The following NMNAT3 variants were observed in gnomAD, a reference collection of about 807,000 sequenced individuals.
NMNAT3 encodes the protein nicotinamide/nicotinic acid mononucleotide adenylyltransferase 3.
In NMNAT3, 21 loss-of-function variants were observed where a neutral mutation model predicts 24.8. The ratio of observed to expected loss-of-function variants is 0.85; its 90% CI spans 0.60 to 1.22. The LOEUF is 1.22. NMNAT3 is among the 50% of genes most tolerant of loss of function. NMNAT3 has a pLI of 0.00. For missense variants in NMNAT3, 387 were observed against 436.6 expected, an observed-to-expected ratio of 0.89 and a Z score of 1.01; for synonymous variants, 136 against 155.2, an observed-to-expected ratio of 0.88 and a Z score of 0.92.
chr3:139,580,675 A>G (rs1356430482), intron 4 of NMNAT3, among the ~76,000 whole-genome samples: 5 of 152,124 alleles, frequency 3.3e-5, no homozygotes, highest in Non-Finnish European at 5.9e-5. Flanking sequence ...CAAATTTTTG[A>G]CTACTGATTT....
At chr3:139,613,247 C>T (rs1164671205) in intron 3 of NMNAT3, among the ~76,000 whole-genome samples, 1 of 152,126 alleles carries the variant, frequency 6.6e-6, no homozygotes, top group Non-Finnish European at 1.5e-5. Flanking sequence ...TGACAAAGGG[C>T]TAATACCCGG....
intron 3 of NMNAT3, chr3:139,599,186 C>A: frequency 5.2e-6 from 3 of 572,976 alleles, no homozygotes; most frequent in African/African-American, 1.9e-5. Flanking sequence ...TAAAAATTAC[C>A]ATACATATTT....
chr3:139,608,751 T>C (rs1383189028), intron 3 of NMNAT3, among the ~76,000 whole-genome samples: 2 of 152,200 alleles, frequency 1.3e-5, no homozygotes, highest in Non-Finnish European at 2.9e-5. Context: ...TACAGTCCTT[T>C]GATTGTGTGG....
intron 3 of NMNAT3, among the ~76,000 whole-genome samples, chr3:139,619,626 A>C (rs528703106): frequency 1.3e-5 from 2 of 152,252 alleles, no homozygotes; most frequent in South Asian, 4.1e-4. Flanking sequence ...TCATTCTACA[A>C]AGTAGAGTAC....
chr3:139,652,794 T>A (rs1200008303), intron 1 of NMNAT3, among the ~76,000 whole-genome samples: 1 of 152,180 alleles, frequency 6.6e-6, no homozygotes, highest in Non-Finnish European at 1.5e-5. Flanking sequence ...AAACCACGCA[T>A]CTTCTCTTCC....
chr3:139,640,672 A>G (rs530148410), intron 1 of NMNAT3, among the ~76,000 whole-genome samples: 2 of 152,312 alleles, frequency 1.3e-5, no homozygotes, highest in Admixed American at 1.3e-4. Context: ...AGGTGCAGGC[A>G]AGAGACATGA....
chr3:139,599,297 CT>C, intron 3 of NMNAT3: 1 of 702,322 alleles, frequency 1.4e-6, no homozygotes, highest in Non-Finnish European at 2.6e-6. Context: ...TGCCTCTTCC[CT>C]TTTGCAGACT....
At chr3:139,601,233 T>G (rs953945843) in intron 3 of NMNAT3, among the ~76,000 whole-genome samples, 1 of 152,158 alleles carries the variant, frequency 6.6e-6, no homozygotes, top group Non-Finnish European at 1.5e-5. Context: ...GCCTGGGCAA[T>G]CTGTTACTTC....
chr3:139,639,216 C>T (rs2056613779), intron 1 of NMNAT3, among the ~76,000 whole-genome samples: 1 of 152,222 alleles, frequency 6.6e-6, no homozygotes. Flanking sequence ...GTATCCTACA[C>T]TCCAAGCATA....
intron 3 of NMNAT3, among the ~76,000 whole-genome samples, chr3:139,623,870 C>T (rs1426350333): frequency 6.6e-6 from 1 of 152,200 alleles, no homozygotes; most frequent in Non-Finnish European, 1.5e-5. Context: ...AACCACCATG[C>T]CCGGCCTATG....
chr3:139,669,457 A>G (rs190596291), intron 1 of NMNAT3, among the ~76,000 whole-genome samples: 1 of 147,142 alleles, frequency 6.8e-6, no homozygotes, highest in East Asian at 2.0e-4. Context: ...AGCCTGGGCA[A>G]CAGAGTGAGA....
At chr3:139,660,116 A>G (rs1004939205) in intron 1 of NMNAT3, among the ~76,000 whole-genome samples, 1 of 152,200 alleles carries the variant, frequency 6.6e-6, no homozygotes, top group African/African-American at 2.4e-5. Flanking sequence ...AGCCAGTGTC[A>G]ACTAGGTCTG....
chr3:139,654,089 A>C (rs775585281), intron 1 of NMNAT3, among the ~76,000 whole-genome samples: 7 of 152,198 alleles, frequency 4.6e-5, no homozygotes, highest in Non-Finnish European at 4.4e-5. Flanking sequence ...TGTCTTATGA[A>C]TGGGATCCTT....
chr3:139,589,043 G>A (rs1373600183), intron 3 of NMNAT3, among the ~76,000 whole-genome samples: 1 of 152,148 alleles, frequency 6.6e-6, no homozygotes, highest in Non-Finnish European at 1.5e-5. Flanking sequence ...TCTAGGAAGA[G>A]ACAAATTTTG....
intron 1 of NMNAT3, among the ~76,000 whole-genome samples, chr3:139,646,479 G>A (rs1210622498): frequency 1.3e-5 from 2 of 152,158 alleles, no homozygotes; most frequent in African/African-American, 4.8e-5. Context: ...TCTGAAATGA[G>A]GCAACCAACA....
At chr3:139,674,083 C>T (rs2108465868) in intron 1 of NMNAT3, among the ~76,000 whole-genome samples, 1 of 152,274 alleles carries the variant, frequency 6.6e-6, no homozygotes, top group Middle Eastern at 3.4e-3. Flanking sequence ...ACCAGGATTT[C>T]ACTGGGCAGG....
In NMNAT3 at chr3:139,586,004, C is replaced by T. The variant is rs1004112263; in HGVS notation, c.110-2796G>A. ...TCAAAGCTTAAGTGAGCCGTTCTGG[C>T]AAGTGCTCAACAGGGCACCAGTGGC... On this transcript the variant is annotated intron_variant, in intron 3 of 6. Transcript: ENST00000643695. Among the ~76,000 whole-genome samples, 26 of 152,218 alleles carry T rather than the reference C, an allele frequency of 1.7e-4. 1 individual carries two copies. The highest frequency in any genetic ancestry group is 1.2e-3 in the South Asian group (6 of 4,830).
intron 5 of NMNAT3, among the ~76,000 whole-genome samples, chr3:139,574,974 G>A (rs1465904188): frequency 2.6e-5 from 4 of 152,120 alleles, no homozygotes; most frequent in East Asian, 1.9e-4. Context: ...GAGGGATAAC[G>A]GCAGAACCTG....
chr3:139,581,007 C>A (rs1418803450), intron 4 of NMNAT3, among the ~76,000 whole-genome samples: 1 of 152,092 alleles, frequency 6.6e-6, no homozygotes, highest in Admixed American at 6.5e-5. Flanking sequence ...AATAATTATA[C>A]CCAAACAATA....
Sources: gnomAD v4.1 joint callset for allele counts (sites outside exome capture counted in the v4.1 genomes callset) on GRCh38, gnomAD v4.1.1 for gene constraint, MANE v1.5 for transcripts, NCBI Gene and HGNC (gene_info 2026-07-23, HGNC 2026-07-21) for gene names.